PRORP: variants seen among roughly 807,000 people sequenced by gnomAD.
The protein encoded by PRORP is protein only RNase P catalytic subunit.
Under a neutral mutation model 59.4 loss-of-function variants are expected in PRORP, and 51 were observed. The observed-to-expected ratio is 0.86, with a 90% CI of 0.69 to 1.08. The LOEUF is 1.08. Ranked by LOEUF, PRORP falls within the 50% of genes least tolerant of loss-of-function variation. The pLI is 0.00. For missense variants in PRORP, 646 were observed against 690.3 expected (o/e 0.94, Z 0.72); for synonymous variants, 231 against 245.6 (o/e 0.94, Z 0.55).
intron 4 of PRORP, among the ~76,000 whole-genome samples, chr14:35,168,038 C>T (rs962893288): frequency 3.9e-5 from 6 of 152,106 alleles, no homozygotes; most frequent in Admixed American, 1.3e-4. Flanking sequence ...GAATTGTTTT[C>T]GGTTTTTGGC....
rs769588655 is a variant in PRORP at position 35,123,189 on chromosome 14, T to C, written c.-57T>C. On this transcript the variant is annotated 5_prime_UTR_variant, in exon 2 of 8. Transcript: ENST00000534898. ...ACCCCCAATCTCTTTAATTTTGCCA[T>C]AGAAGAGGGGTTTTTTCAACATCTC... 3 of 1,539,028 alleles carry C rather than the reference T, an allele frequency of 1.9e-6. No individual in the cohort carries two copies. The highest frequency in any genetic ancestry group is 2.3e-5 in the East Asian group (1 of 44,176).
chr14:35,264,043 C>G (rs1021183260), intron 5 of PRORP, among the ~76,000 whole-genome samples: 6 of 152,044 alleles, frequency 3.9e-5, no homozygotes, highest in South Asian at 2.1e-4. Context: ...TCAAGCAATC[C>G]TCCTGCCTCA....
rs142356769 is a variant in PRORP at position 35,130,849 on chromosome 14, A to G, written c.1167+3238A>G. Among the ~76,000 whole-genome samples, 1,051 of 151,806 alleles carry G rather than the reference A, an allele frequency of 6.9e-3. 2 individuals are homozygous for G. Among genetic ancestry groups the G allele is most frequent in the Non-Finnish European group, 0.012 (844 of 67,950 alleles). On this transcript the variant is annotated intron_variant, in intron 4 of 7. Coordinates refer to ENST00000534898, the MANE Select transcript of PRORP (RefSeq NM_014672.4). ...GAGACAGGGTCTTACTATGCTGCCC[A>G]GGCTGGTCTCAAACTCTTGGGCTCA...
intron 4 of PRORP, among the ~76,000 whole-genome samples, chr14:35,170,977 G>A (rs1449189942): frequency 6.6e-6 from 1 of 151,976 alleles, no homozygotes; most frequent in East Asian, 1.9e-4. Flanking sequence ...AGACTCCCGA[G>A]TAGCTGGGAT....
chr14:35,211,103 T>C (rs2049432005), intron 5 of PRORP, among the ~76,000 whole-genome samples: 1 of 152,162 alleles, frequency 6.6e-6, no homozygotes, highest in Non-Finnish European at 1.5e-5. Flanking sequence ...AGCAAATTAC[T>C]ACAGGCCTCA....
At chr14:35,230,976 C>CTT (rs2050064574) in intron 5 of PRORP, among the ~76,000 whole-genome samples, 1 of 147,656 alleles carries the variant, frequency 6.8e-6, no homozygotes, top group African/African-American at 2.5e-5. Flanking sequence ...CACACACACA[C>CTT]ACACTTGCTT....
At chr14:35,150,251 C>A (rs756239449) in intron 4 of PRORP, among the ~76,000 whole-genome samples, 1 of 152,178 alleles carries the variant, frequency 6.6e-6, no homozygotes, top group African/African-American at 2.4e-5. Flanking sequence ...CACCTAGAGG[C>A]CATCGTAGAA....
At chr14:35,181,853 A>AT (rs1350366131) in intron 5 of PRORP, among the ~76,000 whole-genome samples, 1 of 151,996 alleles carries the variant, frequency 6.6e-6, no homozygotes, top group Non-Finnish European at 1.5e-5. Context: ...TATATTTGAA[A>AT]TTGAAGCATA....
intron 6 of PRORP, among the ~76,000 whole-genome samples, chr14:35,268,117 G>A (rs1201410255): frequency 6.6e-6 from 1 of 152,038 alleles, no homozygotes; most frequent in Non-Finnish European, 1.5e-5. Flanking sequence ...GGAAGCCAAG[G>A]CAGGCAGATC....
chr14:35,257,192 G>A (rs2050782912), intron 5 of PRORP, among the ~76,000 whole-genome samples: 1 of 152,026 alleles, frequency 6.6e-6, no homozygotes, highest in Admixed American at 6.6e-5. Context: ...ATCTTTTATT[G>A]TTGTAAAATA....
At chr14:35,143,798 G>A (rs1410315572) in intron 4 of PRORP, among the ~76,000 whole-genome samples, 2 of 144,668 alleles carry the variant, frequency 1.4e-5, no homozygotes, top group African/African-American at 2.4e-5. Flanking sequence ...ACAGGCATGC[G>A]CCACCAAGCC....
chr14:35,142,868 A>G (rs1343372025), intron 4 of PRORP, among the ~76,000 whole-genome samples: 2 of 143,964 alleles, frequency 1.4e-5, no homozygotes, highest in Non-Finnish European at 1.5e-5. Flanking sequence ...AATTGTAAAG[A>G]TGGGATCTCA....
intron 4 of PRORP, among the ~76,000 whole-genome samples, chr14:35,178,190 G>T (rs1468088238): frequency 6.6e-6 from 1 of 152,138 alleles, no homozygotes; most frequent in African/African-American, 2.4e-5. Context: ...GAATAAATGC[G>T]ATGTGGTGCT....
chr14:35,159,603 A>G (rs546850672), intron 4 of PRORP, among the ~76,000 whole-genome samples: 2 of 152,300 alleles, frequency 1.3e-5, no homozygotes, highest in Non-Finnish European at 2.9e-5. Context: ...TATTTTCCAC[A>G]ATGCTTGGCA....
chr14:35,124,241 GT>G lies in PRORP; in HGVS notation c.986+17del. 6.7e-7 allele frequency: 1 copy of G among 1,497,064 alleles called. No individual in the cohort carries two copies. Among genetic ancestry groups the G allele is most frequent in the Non-Finnish European group, 8.9e-7 (1 of 1,124,752 alleles). The allele number at this position is 1,497,064 out of a possible 1,614,324, so 92.7% of individuals were successfully genotyped here. A position where few individuals can be genotyped will look rare whatever the true frequency, so the allele number is the denominator to read the frequency against. On this transcript the variant is annotated intron_variant, in intron 2 of 7. Coordinates refer to ENST00000534898, the MANE Select transcript of PRORP (RefSeq NM_014672.4). ...AAACATGGTTTGAGAGGTAATTTTGGTTTTTTTATATGTATGTTTTTATTCT... is the reference window on the plus strand; with the variant it reads ...AAACATGGTTTGAGAGGTAATTTTGGTTTTTTATATGTATGTTTTTATTCT...
At chr14:35,187,910 G>T (rs1002833895) in intron 5 of PRORP, among the ~76,000 whole-genome samples, 1 of 149,128 alleles carries the variant, frequency 6.7e-6, no homozygotes, top group Non-Finnish European at 1.5e-5. Context: ...TGGTGCAGTG[G>T]TGCGATCTCG....
intron 4 of PRORP, among the ~76,000 whole-genome samples, chr14:35,161,779 A>C (rs942842981): frequency 6.6e-6 from 1 of 152,164 alleles, no homozygotes; most frequent in African/African-American, 2.4e-5. Flanking sequence ...TCTTTACCTG[A>C]GTTAGATCTA....
intron 4 of PRORP, among the ~76,000 whole-genome samples, chr14:35,159,886 T>C (rs1454664481): frequency 3.3e-5 from 5 of 152,200 alleles, no homozygotes; most frequent in Admixed American, 2.0e-4. Flanking sequence ...TGCCTCCTTA[T>C]GAGACTGGTG....
chr14:35,133,280 CTG>C (rs1395352584), intron 4 of PRORP, among the ~76,000 whole-genome samples: 1 of 152,208 alleles, frequency 6.6e-6, no homozygotes, highest in Non-Finnish European at 1.5e-5. Flanking sequence ...GTGATCCCTT[CTG>C]CTGTTAAAGG....
Sources: allele counts gnomAD v4.1 joint callset (sites outside exome capture counted in the v4.1 genomes callset), GRCh38; gene constraint gnomAD v4.1.1; transcripts MANE v1.5; gene names NCBI Gene and HGNC (gene_info 2026-07-23, HGNC 2026-07-21).